UBE4B: variants seen among roughly 807,000 people sequenced by gnomAD.
UBE4B encodes the protein ubiquitin conjugation factor E4 B.
In UBE4B, 27 loss-of-function variants were observed where a neutral mutation model predicts 148.1. The observed-to-expected ratio is 0.18, with a 90% CI of 0.13 to 0.25. UBE4B has a LOEUF of 0.25. Ranked by LOEUF, UBE4B falls within the 10% of genes least tolerant of loss-of-function variation. UBE4B has a pLI of 1.00. For missense variants in UBE4B, 1,170 were observed against 1,662.4 expected (o/e 0.70, Z 5.15); for synonymous variants, 596 against 619.3 (o/e 0.96, Z 0.56).
At chr1:10,121,690 G>A (rs1645414019) in intron 9 of UBE4B, among the ~76,000 whole-genome samples, 1 of 152,082 alleles carries the variant, frequency 6.6e-6, no homozygotes, top group Non-Finnish European at 1.5e-5. Flanking sequence ...CACCGTGCCT[G>A]GCCATGCTTC....
At position 10,033,212 on chromosome 1, in the gene UBE4B, C is replaced by T. The variant is rs1435020875; in HGVS notation, c.-459C>T. ...TGGGGTCGCCTTACCTCGGGGTATC[C>T]ACTCTGCAGTCGACCAGTTCCCGCC... On this transcript the variant is annotated 5_prime_UTR_variant, in exon 1 of 28. Coordinates refer to ENST00000343090, the MANE Select transcript of UBE4B (RefSeq NM_001105562.3). The T allele has an allele frequency of 6.5e-6, 1 of 153,626 alleles. No individual in the cohort carries two copies. The highest frequency in any genetic ancestry group is 1.4e-5 in the Non-Finnish European group (1 of 69,038). The allele number at this position is 153,626 out of a possible 1,614,324, so 9.5% of individuals were successfully genotyped here. A position where few individuals can be genotyped will look rare whatever the true frequency, so the allele number is the denominator to read the frequency against.
Position 10,072,113 on chromosome 1 carries a change from C to T in UBE4B, c.110C>T (p.Pro37Leu), listed in dbSNP as rs1212128708. 5 of 1,613,718 alleles carry T rather than the reference C, an allele frequency of 3.1e-6. No individual in the cohort carries two copies. Among genetic ancestry groups the T allele is most frequent in the African/African-American group, 2.7e-5 (2 of 75,016 alleles). ...TPLTSPQREN[P>L]PGPPIAASAP... ...CTCACCTCTCCCCAGAGGGAGAACC[C>T]TCCGGGGCCTCCCATAGCGGCATCA... The change falls in exon 2 of 28, where the codon CCT (proline) becomes CTT (leucine). Residue 37 changes from proline to leucine, a missense_variant. Transcript: ENST00000343090.
intron 10 of UBE4B, among the ~76,000 whole-genome samples, chr1:10,124,863 C>T (rs915340849): frequency 2.6e-5 from 4 of 152,120 alleles, no homozygotes; most frequent in South Asian, 2.1e-4. Flanking sequence ...TGGTGGCTCA[C>T]GCCTGTAATC....
chr1:10,106,157 T>C lies in UBE4B; in HGVS notation c.810-40T>C, dbSNP rs200689097. On this transcript the variant is annotated intron_variant, in intron 6 of 27. Coordinates refer to ENST00000343090, the MANE Select transcript of UBE4B (RefSeq NM_001105562.3). The surrounding 1 kb of genome is among the most constrained non-coding windows in gnomAD (Gnocchi z 4.2). ...TAGTTAGTTATCTCAAGTTTTTCTTTGATTTTTCTCTTCTTTCCTCCCTTT... is the reference window on the plus strand; with the variant it reads ...TAGTTAGTTATCTCAAGTTTTTCTTCGATTTTTCTCTTCTTTCCTCCCTTT... 2.2e-5 allele frequency: 34 copies of C among 1,524,058 alleles called. No individual in the cohort carries two copies. The Middle Eastern group carries it at 7.1e-4, about 32-fold the overall frequency. The allele number at this position is 1,524,058 out of a possible 1,614,324, so 94.4% of individuals were successfully genotyped here.
chr1:10,178,592 T>G (rs1646461548), intron 25 of UBE4B, 52 bp from the exon 26 acceptor site: 7 of 1,521,588 alleles, frequency 4.6e-6, no homozygotes, highest in Non-Finnish European at 6.2e-6. Flanking sequence ...GCAGCTCGCT[T>G]TTTTCCACCT....
intron 1 of UBE4B, among the ~76,000 whole-genome samples, chr1:10,034,514 G>T (rs1372452114): frequency 2.0e-5 from 3 of 151,726 alleles, no homozygotes; most frequent in Admixed American, 1.3e-4. Flanking sequence ...TGGCAATTAG[G>T]GTACAAGGAA....
At chr1:10,108,724 C>T (rs1017037445) in intron 7 of UBE4B, among the ~76,000 whole-genome samples, 10 of 152,166 alleles carry the variant, frequency 6.6e-5, no homozygotes, top group African/African-American at 2.4e-4. Context: ...AATATTGATT[C>T]AGGAAGGTTG....
chr1:10,040,899 C>T (rs1412014254), intron 1 of UBE4B, among the ~76,000 whole-genome samples: 4 of 152,168 alleles, frequency 2.6e-5, no homozygotes, highest in Non-Finnish European at 4.4e-5. Flanking sequence ...GGATTACCGG[C>T]GTGAGCCACC....
chr1:10,172,236 C>T (rs1025972972), intron 25 of UBE4B, among the ~76,000 whole-genome samples: 1 of 152,200 alleles, frequency 6.6e-6, no homozygotes, highest in South Asian at 2.1e-4. Flanking sequence ...TTCTAGTCAT[C>T]CCATAAAGGG....
rs1368049756 is a variant in UBE4B, at chr1:10,125,211, G to A, written c.1555-1583G>A. Among the ~76,000 whole-genome samples the A allele has an allele frequency of 5.9e-5, 9 of 152,364 alleles. 3 individuals carry two copies. The highest frequency in any genetic ancestry group is 4.6e-4 in the Admixed American group (7 of 15,310). ...CAAAAGGATAACTATACAAGAAAGT[G>A]TAATTATATTTTACTTGTAGCCTCC... On this transcript the variant is annotated intron_variant, in intron 10 of 27. Coordinates refer to ENST00000343090, the MANE Select transcript of UBE4B (RefSeq NM_001105562.3).
In UBE4B at chr1:10,105,752, T is replaced by A. The variant is rs1645095418; in HGVS notation, c.809+8T>A. ...TGCCAGCTCTTTGTCTAGGTCAGTG[T>A]GGTTCTCTTTGCACATCTTACTGGT... On this transcript the variant is annotated splice_region_variant and intron_variant, in intron 6 of 27. Transcript: ENST00000343090. 6.2e-7 allele frequency: 1 copy of A among 1,612,070 alleles called. No individual in the cohort carries two copies. The highest frequency in any genetic ancestry group is 8.5e-7 in the Non-Finnish European group (1 of 1,179,558).
intron 22 of UBE4B, among the ~76,000 whole-genome samples, chr1:10,160,102 C>T (rs988096877): frequency 3.9e-5 from 6 of 152,170 alleles, no homozygotes; most frequent in Non-Finnish European, 8.8e-5. Flanking sequence ...TTTTTCTCTA[C>T]GAATCTGGCA....
chr1:10,122,052 C>T lies in UBE4B; in HGVS notation c.1530C>T (p.His510=). The T allele has an allele frequency of 6.2e-7, 1 of 1,613,174 alleles. No individual in the cohort carries two copies. Among genetic ancestry groups the T allele is most frequent in the African/African-American group, 1.3e-5 (1 of 74,912 alleles). Residue 510 remains histidine (H), a synonymous_variant, in exon 10 of 28, where the codon CAC becomes CAT. Transcript: ENST00000343090. The part of the protein sequence containing the change: ...GFIQELVRTT[H]QDEEVFKQIF... ...TTCAGGAACTGGTGAGAACCACTCA[C>T]CAGGATGAAGAAGTGTTCAAGCAGG...
In UBE4B at chr1:10,055,325, T is replaced by C. The variant is rs566411665; in HGVS notation, c.25-16703T>C. 2.0e-5 allele frequency among the ~76,000 whole-genome samples: 3 copies of C among 151,840 alleles called. No homozygotes were observed. In the East Asian group the frequency reaches 5.8e-4, roughly 29 times the overall value. The stretch of plus-strand genomic sequence containing the variant: ...TTCCTTCTTTTTCTTTTCTTTCCTT[T>C]CTTTATTCTGAGACAAGATCTCACT... On this transcript the variant is annotated intron_variant, in intron 1 of 27. Coordinates refer to ENST00000343090, the MANE Select transcript of UBE4B (RefSeq NM_001105562.3).
chr1:10,174,778 A>G (rs937564384), intron 25 of UBE4B, among the ~76,000 whole-genome samples: 3 of 149,334 alleles, frequency 2.0e-5, no homozygotes, highest in African/African-American at 7.4e-5. Flanking sequence ...GGTATTTTCT[A>G]TTTATATTGG....
At chr1:10,043,343 T>C (rs1445510244) in intron 1 of UBE4B, among the ~76,000 whole-genome samples, 1 of 151,616 alleles carries the variant, frequency 6.6e-6, no homozygotes, top group African/African-American at 2.4e-5. Context: ...ATCTCAACTG[T>C]TTTTCAATCA....
At chr1:10,049,851 A>G (rs1643996959) in intron 1 of UBE4B, among the ~76,000 whole-genome samples, 1 of 150,916 alleles carries the variant, frequency 6.6e-6, no homozygotes, top group African/African-American at 2.4e-5. Flanking sequence ...GATCCATGTC[A>G]CTGCCCTCTA....
chr1:10,149,902 C>T (rs1001245580), intron 20 of UBE4B, among the ~76,000 whole-genome samples: 1 of 151,996 alleles, frequency 6.6e-6, no homozygotes, highest in Non-Finnish European at 1.5e-5. Context: ...TGCTTGTAGT[C>T]CCAGACATGC....
At chr1:10,086,058 A>G (rs537386480) in intron 2 of UBE4B, among the ~76,000 whole-genome samples, 66 of 148,536 alleles carry the variant, frequency 4.4e-4, no homozygotes, top group Admixed American at 1.1e-3. Context: ...TGCAAGCTCC[A>G]CCTCCCTGGT....
Sources: allele counts gnomAD v4.1 joint callset (sites outside exome capture counted in the v4.1 genomes callset), GRCh38; gene constraint gnomAD v4.1.1; non-coding constraint Gnocchi (gnomAD v3.1); transcripts MANE v1.5; gene names NCBI Gene and HGNC (gene_info 2026-07-23, HGNC 2026-07-21).